MIB1: variants seen among roughly 807,000 people sequenced by gnomAD.
MIB1 encodes MIB E3 ubiquitin protein ligase 1.
Under a neutral mutation model 124.5 loss-of-function variants are expected in MIB1, and 278 were observed. The observed-to-expected ratio is 2.23, with a 90% CI of 2.02 to 2.47. The LOEUF (loss-of-function observed/expected upper bound fraction) is 2.47. Among genes scored for constraint, MIB1 ranks in the 30% most tolerant of loss-of-function variants. The pLI, the probability that MIB1 is intolerant of heterozygous loss-of-function variation, is 0.00. For synonymous variants in MIB1, 446 were observed against 429.4 expected (o/e 1.04, Z -0.48); for missense variants, 957 against 1,254.4 (o/e 0.76, Z 3.58).
intron 1 of MIB1, among the ~76,000 whole-genome samples, chr18:21,721,367 G>A (rs12964675): frequency 6.6e-6 from 1 of 151,574 alleles, no homozygotes; most frequent in Non-Finnish European, 1.5e-5. Flanking sequence ...TTTTAGTAGA[G>A]ACAGGGTTTC....
rs1555692874 is a variant in MIB1 at position 21,803,985 on chromosome 18, T to C, written c.1450T>C (p.Leu484=). ...NGHVDILKLL[L]KQNVDVEAED... ...ACATGTTGACATTTTGAAGTTACTT[T>C]TGAAGCAAAACGTGGATGTCGAAGC... Residue 484 remains leucine (L), a synonymous_variant, in exon 10 of 21, where the codon TTG becomes CTG. Coordinates refer to ENST00000261537, the MANE Select transcript of MIB1 (RefSeq NM_020774.4). 6.8e-6 allele frequency: 11 copies of C among 1,613,706 alleles called. No homozygotes were observed. Among genetic ancestry groups the C allele is most frequent in the Non-Finnish European group, 9.3e-6 (11 of 1,179,796 alleles).
At position 21,857,244 on chromosome 18, in the gene MIB1, G is replaced by T; in HGVS notation, c.2779+1G>T. The T allele has an allele frequency of 1.2e-6, 2 of 1,602,792 alleles. No individual in the cohort carries two copies. Among genetic ancestry groups the T allele is most frequent in the Non-Finnish European group, 1.7e-6 (2 of 1,169,728 alleles). On this transcript the variant is annotated splice_donor_variant, in intron 19 of 20. Coordinates refer to ENST00000261537, the MANE Select transcript of MIB1 (RefSeq NM_020774.4). LOFTEE classifies it high-confidence loss of function. ...TCAGAAGATGCCACTGATGATATCTGTAAGTCGATTGTCTTAAGCATTTTC... is the reference window on the plus strand; with the variant it reads ...TCAGAAGATGCCACTGATGATATCTTTAAGTCGATTGTCTTAAGCATTTTC...
In MIB1 at chr18:21,740,876, C is replaced by T. The variant is rs1334399061; in HGVS notation, c.-708C>T. 1.3e-5 allele frequency among the ~76,000 whole-genome samples: 2 copies of T among 152,262 alleles called. No individual in the cohort carries two copies. Among genetic ancestry groups the T allele is most frequent in the East Asian group, 3.9e-4 (2 of 5,190 alleles). ...GCGGCTCTCTGGAAGCCTTCCCACTCTATTATTGCCGAGGATCCCCCTCCT... is the reference window on the plus strand; with the variant it reads ...GCGGCTCTCTGGAAGCCTTCCCACTTTATTATTGCCGAGGATCCCCCTCCT... On this transcript the variant is annotated 5_prime_UTR_variant, in exon 1 of 21. Coordinates refer to ENST00000261537, the MANE Select transcript of MIB1 (RefSeq NM_020774.4).
At position 21,735,688 on chromosome 18, in the gene MIB1, G is replaced by A. The variant is rs2959529; in HGVS notation, n.168-30084G>A. Among the ~76,000 whole-genome samples, 15 of 152,298 alleles carry A rather than the reference G, an allele frequency of 9.8e-5. No homozygotes were observed. The East Asian group carries it at 1.7e-3, about 18-fold the overall frequency. On this transcript the variant is annotated intron_variant and non_coding_transcript_variant, in intron 1 of 20. Coordinates refer to the MIB1 transcript ENST00000578646. ...ACCTGAGATGCTCAAGCTTGGTCGG[G>A]GGGAGGGGCATCCGCCATTGCTGAG...
At chr18:21,717,613 A>G (rs947329914) in intron 1 of MIB1, among the ~76,000 whole-genome samples, 13 of 152,230 alleles carry the variant, frequency 8.5e-5, no homozygotes, top group Admixed American at 7.9e-4. Flanking sequence ...TCTCAACAGA[A>G]AAAATACAAA....
At chr18:21,743,216 C>A (rs2040874811) in intron 1 of MIB1, among the ~76,000 whole-genome samples, 1 of 152,192 alleles carries the variant, frequency 6.6e-6, no homozygotes, top group African/African-American at 2.4e-5. Flanking sequence ...TATTGCATGG[C>A]AAGCATGTGT....
intron 3 of MIB1, among the ~76,000 whole-genome samples, chr18:21,770,373 T>C (rs2041211069): frequency 6.6e-6 from 1 of 152,234 alleles, no homozygotes; most frequent in Non-Finnish European, 1.5e-5. Flanking sequence ...TTTTGGCCTA[T>C]GTATGTGAAT....
chr18:21,842,114 A>G (rs2042095868), intron 13 of MIB1, among the ~76,000 whole-genome samples: 1 of 148,256 alleles, frequency 6.7e-6, no homozygotes, highest in Non-Finnish European at 1.5e-5. Flanking sequence ...AAAAAAAAAA[A>G]AAAAGAAGAA....
chr18:21,809,700 C>T (rs2041748919), intron 10 of MIB1, among the ~76,000 whole-genome samples: 1 of 152,040 alleles, frequency 6.6e-6, no homozygotes, highest in Non-Finnish European at 1.5e-5. Context: ...CATAATTTAA[C>T]ACCCTTTCAT....
intron 1 of MIB1, among the ~76,000 whole-genome samples, chr18:21,748,044 A>T (rs1328456517): frequency 6.6e-6 from 1 of 152,228 alleles, no homozygotes; most frequent in Non-Finnish European, 1.5e-5. Flanking sequence ...GATAGATATT[A>T]TCCTAAAACA....
At chr18:21,807,887 A>G (rs971540767) in intron 10 of MIB1, among the ~76,000 whole-genome samples, 3 of 152,232 alleles carry the variant, frequency 2.0e-5, no homozygotes, top group Non-Finnish European at 4.4e-5. Context: ...TAATAGTATA[A>G]TGAATCTTAT....
intron 12 of MIB1, chr18:21,827,273 A>G (rs1377497063): frequency 6.6e-6 from 1 of 151,992 alleles, no homozygotes; most frequent in Non-Finnish European, 1.5e-5. Flanking sequence ...GATTGAAAAT[A>G]CTCTTAGATA....
At chr18:21,861,515 C>T (rs556229125) in intron 20 of MIB1, among the ~76,000 whole-genome samples, 3 of 152,004 alleles carry the variant, frequency 2.0e-5, no homozygotes, top group Admixed American at 6.5e-5. Flanking sequence ...CAAAGTTTAG[C>T]ATTCTACCCA....
At chr18:21,807,349 C>T (rs1304377893) in intron 10 of MIB1, among the ~76,000 whole-genome samples, 1 of 152,072 alleles carries the variant, frequency 6.6e-6, no homozygotes, top group Admixed American at 6.6e-5. Context: ...GGAGAATCAC[C>T]TGAGCCCAGG....
intron 10 of MIB1, among the ~76,000 whole-genome samples, chr18:21,815,062 T>C (rs2041817225): frequency 8.5e-6 from 1 of 116,994 alleles, no homozygotes; most frequent in Non-Finnish European, 1.8e-5. Context: ...TATATAAAAT[T>C]ATATATAAAT....
chr18:21,853,062 T>G, intron 17 of MIB1, 78 bp from the exon 18 acceptor site: 1 of 919,304 alleles, frequency 1.1e-6, no homozygotes, highest in Non-Finnish European at 1.8e-6. Context: ...GGAAATACAT[T>G]TGGATATAAT....
intron 1 of MIB1, among the ~76,000 whole-genome samples, chr18:21,717,165 A>C (rs960748443): frequency 6.6e-6 from 1 of 152,194 alleles, no homozygotes. Flanking sequence ...AGGACAACCT[A>C]TTCAACAAAT....
chr18:21,868,296 G>A lies in MIB1; in HGVS notation c.*3630G>A, dbSNP rs1016166775. The A allele has an allele frequency of 7.2e-5, 11 of 152,422 alleles. No homozygotes were observed. The East Asian group carries it at 1.9e-3, about 27-fold the overall frequency. 9.4% of individuals were successfully genotyped at this position (152,422 alleles called of 1,614,324 possible). A position where few individuals can be genotyped will look rare whatever the true frequency, so the allele number is the denominator to read the frequency against. On this transcript the variant is annotated 3_prime_UTR_variant, in exon 21 of 21. Coordinates refer to ENST00000261537, the MANE Select transcript of MIB1 (RefSeq NM_020774.4). ...TCCCCTTTTTGTTTTCTCCTCAGTG[G>A]AATAGAATTTTGACTCCATATAAAT...
At chr18:21,719,744 A>T (rs1280348246) in intron 1 of MIB1, among the ~76,000 whole-genome samples, 1 of 151,496 alleles carries the variant, frequency 6.6e-6, no homozygotes, top group Non-Finnish European at 1.5e-5. Context: ...GGCATGAGCC[A>T]CTGTGCCCGG....
Sources: gnomAD v4.1 joint callset for allele counts (sites outside exome capture counted in the v4.1 genomes callset) on GRCh38, gnomAD v4.1.1 for gene constraint, MANE v1.5 for transcripts, NCBI Gene and HGNC (gene_info 2026-07-23, HGNC 2026-07-21) for gene names.